The following AGBL4 variants were observed in gnomAD, a reference collection of about 807,000 sequenced individuals.
AGBL4 encodes the protein cytosolic carboxypeptidase 6.
A neutral mutation model predicts 66.4 loss-of-function variants in AGBL4; 58 were observed. The ratio of observed to expected loss-of-function variants is 0.87; its 90% confidence interval spans 0.71 to 1.09. The LOEUF is 1.09. Ranked by LOEUF, AGBL4 falls within the 50% of genes least tolerant of loss-of-function variation. AGBL4 has a pLI of 0.00. For missense variants in AGBL4, 579 were observed against 631.0 expected, an observed-to-expected ratio of 0.92 and a Z score of 0.88; for synonymous variants, 234 against 222.9, an observed-to-expected ratio of 1.05 and a Z score of -0.44.
At chr1:49,412,348 T>C (rs191535998) in intron 3 of AGBL4, among the ~76,000 whole-genome samples, 1 of 152,236 alleles carries the variant, frequency 6.6e-6, no homozygotes, top group East Asian at 1.9e-4. Flanking sequence ...ACTAGCTCTT[T>C]GGACTCTTCT....
chr1:49,050,225 T>C (rs1644180386), intron 4 of AGBL4, among the ~76,000 whole-genome samples: 1 of 152,050 alleles, frequency 6.6e-6, no homozygotes, highest in African/African-American at 2.4e-5. Flanking sequence ...GTAACTCACA[T>C]CCTCAGATTC....
intron 3 of AGBL4, among the ~76,000 whole-genome samples, chr1:49,420,134 T>C (rs1249234371): frequency 1.3e-5 from 2 of 152,218 alleles, no homozygotes; most frequent in African/African-American, 4.8e-5. Context: ...TAATACTTTC[T>C]ATTTATCCAA....
intron 6 of AGBL4, among the ~76,000 whole-genome samples, chr1:48,722,360 G>A (rs953007848): frequency 6.6e-6 from 1 of 152,208 alleles, no homozygotes; most frequent in Non-Finnish European, 1.5e-5. Context: ...TTAAAAAGGA[G>A]AGGAAAATAA....
intron 4 of AGBL4, among the ~76,000 whole-genome samples, chr1:49,057,173 G>T (rs138328309): frequency 1.3e-5 from 2 of 152,292 alleles, no homozygotes; most frequent in Admixed American, 1.3e-4. Context: ...GATCAAGGCA[G>T]GTGGATCCCT....
Position 49,745,244 on chromosome 1 carries a change from C to T in AGBL4, c.158-47807G>A, listed in dbSNP as rs144812462. 4.3e-4 allele frequency among the ~76,000 whole-genome samples: 65 copies of T among 152,102 alleles called. No individual in the cohort carries two copies. The East Asian group carries it at 6.8e-3, about 16-fold the overall frequency. On this transcript the variant is annotated intron_variant, in intron 2 of 13. Transcript: ENST00000371839. ...AGACTATAATGGGTATACAGTAGTT[C>T]TCCTTTATCTGATTGTTTCACGTTC...
chr1:49,119,570 T>C (rs1163704572), intron 4 of AGBL4, among the ~76,000 whole-genome samples: 1 of 152,222 alleles, frequency 6.6e-6, no homozygotes. Context: ...AGAGAGTTTG[T>C]TGTGATTTCT....
intron 3 of AGBL4, among the ~76,000 whole-genome samples, chr1:49,595,000 G>A (rs547829167): frequency 5.9e-5 from 9 of 152,228 alleles, no homozygotes; most frequent in South Asian, 4.1e-4. Flanking sequence ...GTTTAAAAGC[G>A]TTCCTATTTC....
At chr1:49,683,589 A>G (rs115742294) in intron 3 of AGBL4, among the ~76,000 whole-genome samples, 2 of 152,322 alleles carry the variant, frequency 1.3e-5, no homozygotes, top group African/African-American at 4.8e-5. Flanking sequence ...TAACCATGCT[A>G]TGTTAGCATC....
intron 3 of AGBL4, among the ~76,000 whole-genome samples, chr1:49,368,396 A>G (rs1644280373): frequency 6.6e-6 from 1 of 152,192 alleles, no homozygotes; most frequent in Admixed American, 6.5e-5. Flanking sequence ...TTAATCTTTT[A>G]AAAGTATTTA....
chr1:48,753,151 C>A (rs753324225), intron 6 of AGBL4, among the ~76,000 whole-genome samples: 14 of 152,204 alleles, frequency 9.2e-5, no homozygotes, highest in Non-Finnish European at 1.9e-4. Context: ...CCCGAGGCAA[C>A]AAAATTTGAA....
At chr1:49,272,545 T>TA (rs1385772486) in intron 3 of AGBL4, among the ~76,000 whole-genome samples, 3 of 152,210 alleles carry the variant, frequency 2.0e-5, no homozygotes, top group Non-Finnish European at 2.9e-5. Context: ...TTTAAAAAGT[T>TA]AAAATTGTCT....
chr1:49,060,763 A>G (rs1285099933), intron 4 of AGBL4, among the ~76,000 whole-genome samples: 2 of 152,168 alleles, frequency 1.3e-5, no homozygotes, highest in African/African-American at 4.8e-5. Flanking sequence ...TATCTGATTT[A>G]TCATCTCCCT....
intron 6 of AGBL4, among the ~76,000 whole-genome samples, chr1:48,694,672 C>A (rs567882377): frequency 1.3e-5 from 2 of 152,272 alleles, no homozygotes; most frequent in East Asian, 3.9e-4. Context: ...ATTCATTCAT[C>A]CATTTATCCT....
chr1:49,186,400 T>G (rs1387798468), intron 4 of AGBL4, among the ~76,000 whole-genome samples: 2 of 152,196 alleles, frequency 1.3e-5, no homozygotes, highest in Admixed American at 1.3e-4. Context: ...ACTTCCATAC[T>G]AAAAGTATAA....
At chr1:49,828,969 T>A (rs1169297386) in intron 2 of AGBL4, among the ~76,000 whole-genome samples, 1 of 151,444 alleles carries the variant, frequency 6.6e-6, no homozygotes, top group Non-Finnish European at 1.5e-5. Context: ...CTCGGGAGGC[T>A]GAGGCAGGAG....
At chr1:49,127,710 T>C (rs191142267) in intron 4 of AGBL4, among the ~76,000 whole-genome samples, 2 of 152,234 alleles carry the variant, frequency 1.3e-5, no homozygotes, top group Admixed American at 6.6e-5. Flanking sequence ...CATTGATCCC[T>C]TGGGTTATTC....
chr1:49,677,112 C>G (rs748128308), intron 3 of AGBL4, among the ~76,000 whole-genome samples: 1 of 152,016 alleles, frequency 6.6e-6, no homozygotes, highest in Non-Finnish European at 1.5e-5. Flanking sequence ...CCAAAAGAGG[C>G]TATTGCTCTC....
chr1:49,833,129 C>T (rs372180823), intron 2 of AGBL4, among the ~76,000 whole-genome samples: 1 of 152,080 alleles, frequency 6.6e-6, no homozygotes, highest in Non-Finnish European at 1.5e-5. Flanking sequence ...GGTTTTAGGT[C>T]TAAGGTTTAA....
In AGBL4 at chr1:49,095,008, G is replaced by A. The variant is rs562586102; in HGVS notation, c.378-49208C>T. 5.3e-5 allele frequency among the ~76,000 whole-genome samples: 8 copies of A among 152,142 alleles called. No homozygotes were observed. In the East Asian group the frequency reaches 1.4e-3, roughly 26 times the overall value. On this transcript the variant is annotated intron_variant, in intron 4 of 13. Coordinates refer to ENST00000371839, the MANE Select transcript of AGBL4 (RefSeq NM_032785.4). Reference sequence around the variant, plus strand: ...AAGTCTCAGGATACAAAATCAATGTGCAAAAATCACAAGCATTCTTATACA... The same window carrying A: ...AAGTCTCAGGATACAAAATCAATGTACAAAAATCACAAGCATTCTTATACA...
Sources: allele counts gnomAD v4.1 joint callset (sites outside exome capture counted in the v4.1 genomes callset), GRCh38; gene constraint gnomAD v4.1.1; transcripts MANE v1.5; gene names NCBI Gene and HGNC (gene_info 2026-07-23, HGNC 2026-07-21).